Variants in COL5A3 observed in about 807,000 individuals in gnomAD.
COL5A3 encodes collagen alpha-3(V) chain.
A neutral mutation model predicts 250.0 loss-of-function variants in COL5A3; 172 were observed. The observed-to-expected ratio is 0.69, with a 90% CI of 0.61 to 0.78. The LOEUF is 0.78. Among genes scored for constraint, COL5A3 ranks in the 30% least tolerant of loss-of-function variants. The probability of loss-of-function intolerance (pLI) is 0.00; values close to 1 mark genes in which losing one functional copy is unlikely to be tolerated. For missense variants in COL5A3, 2,340 were observed against 2,334.4 expected (o/e 1.00, Z -0.05); for synonymous variants, 937 against 900.4 (o/e 1.04, Z -0.73).
chr19:9,970,247 TG>T (rs2086817267), intron 54 of COL5A3, among the ~76,000 whole-genome samples: 1 of 23,190 alleles, frequency 4.3e-5, no homozygotes. Flanking sequence ...GTGGGGTCTT[TG>T]GGGTGAGGTG....
At chr19:9,977,494 G>C (rs757065440) in intron 42 of COL5A3, 22 bp from the exon 43 acceptor site, 2 of 1,503,180 alleles carry the variant, frequency 1.3e-6, no homozygotes, top group Non-Finnish European at 1.8e-6. Context: ...AATGGAAAGG[G>C]GGATGTCAGG....
Position 9,981,122 on chromosome 19 carries a change from CCT to C in COL5A3, c.2469_2470del (p.Gly824AlafsTer67), listed in dbSNP as rs752487447. ...CCGCTCTCCTTCCAGGCCTGGCTGCCCTGTCTTTCCCTGAAAATGAATTGTAA... is the reference window on the plus strand; with the variant it reads ...CCGCTCTCCTTCCAGGCCTGGCTGCCGTCTTTCCCTGAAAATGAATTGTAA... On this transcript the variant is annotated frameshift_variant, in exon 33 of 67. Coordinates refer to ENST00000264828, the MANE Select transcript of COL5A3 (RefSeq NM_015719.4). LOFTEE classifies it high-confidence loss of function. The C allele has an allele frequency of 6.2e-7, 1 of 1,613,960 alleles. No individual in the cohort carries two copies. Among genetic ancestry groups the C allele is most frequent in the South Asian group, 1.1e-5 (1 of 91,080 alleles).
Position 9,966,616 on chromosome 19 carries a change from AGCT to A in COL5A3, c.4586_4588del (p.Gln1529del). 6.5e-7 allele frequency: 1 copy of A among 1,538,990 alleles called. No homozygotes were observed. The highest frequency in any genetic ancestry group is 2.0e-5 in the Admixed American group (1 of 51,012). On this transcript the variant is annotated inframe_deletion, in exon 63 of 67. Coordinates refer to ENST00000264828, the MANE Select transcript of COL5A3 (RefSeq NM_015719.4). Reference sequence around the variant, plus strand: ...CTCCGCAGTGCCGGGAGGACGCCGCAGCTGCTCCAGCTCCAAGCTCAGCGATGT... The same window carrying A: ...CTCCGCAGTGCCGGGAGGACGCCGCAGCTCCAGCTCCAAGCTCAGCGATGT...
Position 9,993,005 on chromosome 19 carries a change from G to A in COL5A3, c.1794+18C>T, listed in dbSNP as rs1568425294. The A allele has an allele frequency of 2.5e-6, 4 of 1,613,168 alleles. No individual in the cohort carries two copies. Among genetic ancestry groups the A allele is most frequent in the Non-Finnish European group, 3.4e-6 (4 of 1,179,520 alleles). On this transcript the variant is annotated intron_variant, in intron 20 of 66. Transcript: ENST00000264828. ...TCCCCTGCACCAAGCAAGGGGCCCAGGGATCCCTGATACTCACCGGCTCCC... is the reference window on the plus strand; with the variant it reads ...TCCCCTGCACCAAGCAAGGGGCCCAAGGATCCCTGATACTCACCGGCTCCC...
intron 50 of COL5A3, 140 bp from the exon 51 acceptor site, chr19:9,973,166 A>G: frequency 1.4e-6 from 1 of 700,128 alleles, no homozygotes; most frequent in Non-Finnish European, 2.3e-6. Context: ...TCCAAGGGTC[A>G]AAGGTCAGAA....
Position 9,989,457 on chromosome 19 carries a change from C to T in COL5A3, c.2046+12G>A. 3.1e-6 allele frequency: 5 copies of T among 1,613,734 alleles called. No individual in the cohort carries two copies. Among genetic ancestry groups the T allele is most frequent in the Non-Finnish European group, 4.2e-6 (5 of 1,179,702 alleles). On this transcript the variant is annotated intron_variant, in intron 25 of 66. Coordinates refer to ENST00000264828, the MANE Select transcript of COL5A3 (RefSeq NM_015719.4). The stretch of plus-strand genomic sequence containing the variant: ...TTTCTCCTTCCTCCTTTTCCCAGCT[C>T]ATGGTTCTCACCAGAGGGCCATCGG...
chr19:10,005,201 T>C (rs539772821), intron 4 of COL5A3, among the ~76,000 whole-genome samples: 15 of 152,024 alleles, frequency 9.9e-5, no homozygotes, highest in African/African-American at 3.4e-4. Context: ...TACTAAAAAT[T>C]CAAAAATTAG....
chr19:9,975,690 G>C (rs188421878), intron 45 of COL5A3, among the ~76,000 whole-genome samples: 138 of 152,072 alleles, frequency 9.1e-4, no homozygotes, highest in African/African-American at 3.2e-3. Flanking sequence ...GTTGGGTTGG[G>C]ACTGGGCAGG....
chr19:9,978,796 T>TC (rs35496503), intron 40 of COL5A3, 95 bp downstream of exon 40: 3 of 1,047,180 alleles, frequency 2.9e-6, no homozygotes, highest in Non-Finnish European at 4.0e-6. Context: ...TTTCATCATT[T>TC]CCCGCACCCC....
chr19:10,001,945 C>G, intron 6 of COL5A3, 64 bp from the exon 7 acceptor site: 1 of 1,155,218 alleles, frequency 8.7e-7, no homozygotes, highest in Non-Finnish European at 1.3e-6. Flanking sequence ...AAGGGAGGCA[C>G]CCTCCCACTG....
intron 4 of COL5A3, among the ~76,000 whole-genome samples, chr19:10,004,709 A>T (rs1450510735): frequency 2.0e-5 from 3 of 152,154 alleles, no homozygotes; most frequent in African/African-American, 7.2e-5. Flanking sequence ...AACATGAGAT[A>T]GATCAGGTCC....
chr19:9,973,838 G>A (rs1166699000), intron 48 of COL5A3, 29 bp from the exon 49 acceptor site: 1 of 1,612,818 alleles, frequency 6.2e-7, no homozygotes, highest in Non-Finnish European at 8.5e-7. Context: ...GTAAGAGTGG[G>A]ACTGTGGAAT....
In COL5A3 at chr19:9,972,967, G is replaced by A. The variant is rs781738983; in HGVS notation, c.3726C>T (p.Pro1242=). The A allele has an allele frequency of 1.2e-6, 2 of 1,611,958 alleles. No individual in the cohort carries two copies. The highest frequency in any genetic ancestry group is 2.2e-5 in the East Asian group (1 of 44,860). ...GDSGPSGAAG[P]PGKKGPPGED... is the part of the protein sequence containing the mutation. ...CTCCAGGGGGACCTTTCTTGCCTGGGGGTCCAGCAGCTCCAGATGGGCCTG... is the reference window on the plus strand; with the variant it reads ...CTCCAGGGGGACCTTTCTTGCCTGGAGGTCCAGCAGCTCCAGATGGGCCTG... Residue 1242 remains proline, a synonymous_variant, in exon 51 of 67, where the codon CCC becomes CCT. Transcript: ENST00000264828.
rs2145087388 is a variant in COL5A3 at position 9,977,693 on chromosome 19, AGG to A, written c.3025_3026del (p.Pro1009TrpfsTer2). 1 of 1,588,332 alleles carries A rather than the reference AGG, an allele frequency of 6.3e-7. No homozygotes were observed. Among genetic ancestry groups the A allele is most frequent in the East Asian group, 2.3e-5 (1 of 44,400 alleles). Reference protein sequence around the residue: ...PPGPVGANGSPGERGPLGPAG... With the variant: ...PPGPVGANGSXGERGPLGPAG... ...CTGGGCCCAAAGGACCGCGCTCACCAGGGGAGCCCTGAGAACAGGGGTGATGA... is the reference window on the plus strand; with the variant it reads ...CTGGGCCCAAAGGACCGCGCTCACCAGGAGCCCTGAGAACAGGGGTGATGA... On this transcript the variant is annotated frameshift_variant, in exon 42 of 67. Coordinates refer to ENST00000264828, the MANE Select transcript of COL5A3 (RefSeq NM_015719.4). LOFTEE classifies it high-confidence loss of function.
At chr19:9,989,093 A>G in intron 27 of COL5A3, 31 bp downstream of exon 27, 1 of 1,610,684 alleles carries the variant, frequency 6.2e-7, no homozygotes, top group Non-Finnish European at 8.5e-7. Context: ...AAAGCTGGTA[A>G]ATCACTCATA....
chr19:9,979,483 G>A, intron 37 of COL5A3, 66 bp from the exon 38 acceptor site: 1 of 1,549,768 alleles, frequency 6.5e-7, no homozygotes, highest in Non-Finnish European at 8.9e-7. Context: ...CAGGAGACAG[G>A]GAAGGCCTGA....
chr19:9,986,555 G>A lies in COL5A3; in HGVS notation c.2242C>T (p.Gln748Ter). 6.2e-7 allele frequency: 1 copy of A among 1,613,802 alleles called. No individual in the cohort carries two copies. The highest frequency in any genetic ancestry group is 1.1e-5 in the South Asian group (1 of 91,064). The change falls in exon 29 of 67, where the codon CAG becomes TAG. Residue 748 changes from glutamine to a stop codon, truncating the protein, a stop_gained and splice_region_variant. Coordinates refer to ENST00000264828, the MANE Select transcript of COL5A3 (RefSeq NM_015719.4). LOFTEE classifies it high-confidence loss of function. ...FKGDVGLKGD[Q>*]GKPGAPGPRG... ...CCCTCATCTGGAGCTGGTCTTACCT[G>A]ATCACCTTTGAGCCCCACATCGCCC...
At chr19:10,005,319 C>A (rs1361104117) in intron 4 of COL5A3, among the ~76,000 whole-genome samples, 1 of 150,668 alleles carries the variant, frequency 6.6e-6, no homozygotes, top group East Asian at 2.0e-4. Flanking sequence ...CACTGCACTC[C>A]AGCCTGGGTG....
At chr19:9,988,812 C>T (rs763193143) in intron 27 of COL5A3, among the ~76,000 whole-genome samples, 22 of 111,604 alleles carry the variant, frequency 2.0e-4, no homozygotes, top group African/African-American at 6.4e-4. Context: ...CCAGCCTGGG[C>T]GACAAAGCGA....
Sources: gnomAD v4.1 joint callset for allele counts (sites outside exome capture counted in the v4.1 genomes callset) on GRCh38, gnomAD v4.1.1 for gene constraint, MANE v1.5 for transcripts, NCBI Gene and HGNC (gene_info 2026-07-23, HGNC 2026-07-21) for gene names.